Variants in ADNP2 observed in about 807,000 individuals in gnomAD.
ADNP2 encodes activity-dependent neuroprotector homeobox protein 2.
A neutral mutation model predicts 16.4 loss-of-function variants in ADNP2; 8 were observed. The ratio of observed to expected loss-of-function variants is 0.49; its 90% confidence interval spans 0.29 to 0.88. The LOEUF is 0.88. Ranked by LOEUF, ADNP2 falls within the 40% of genes least tolerant of loss-of-function variation. The pLI is 0.09. For synonymous variants in ADNP2, 637 were observed against 545.8 expected (o/e 1.17, Z -2.33); for missense variants, 1,397 against 1,395.1 (o/e 1.00, Z -0.02).
At position 80,137,656 on chromosome 18, in the gene ADNP2, G is replaced by A. The variant is rs377757808; in HGVS notation, c.2243G>A (p.Arg748Gln). The stretch of plus-strand genomic sequence containing the variant: ...AAGTGGATGAGAGAGAAAACGGTGC[G>A]ATGTCTGTCTTGTAAGTGCTTGGTC... The part of the protein sequence containing the change: ...FLKWMREKTV[R>Q]CLSCKCLVSE... The change falls in exon 4 of 4, where the codon CGA becomes CAA. Residue 748 changes from arginine to glutamine, a missense_variant. Arg to Gln is a conservative substitution (Grantham distance 43, BLOSUM62 1). Transcript: ENST00000262198. This position sits in a 1 kb window ranked among gnomAD's most constrained non-coding sequence, Gnocchi z 4.2. The A allele has an allele frequency of 8.7e-5, 141 of 1,614,092 alleles. No homozygotes were observed. The highest frequency in any genetic ancestry group is 1.1e-4 in the Non-Finnish European group (131 of 1,180,040).
At position 80,137,296 on chromosome 18, in the gene ADNP2, C is replaced by T. The variant is rs1210869929; in HGVS notation, c.1883C>T (p.Pro628Leu). Residue 628 changes from proline to leucine, a missense_variant, in exon 4 of 4, where the codon CCT becomes CTT. Physicochemically the swap from Pro to Leu is moderately conservative, Grantham distance 98. Transcript: ENST00000262198. This position sits in a 1 kb window ranked among gnomAD's most constrained non-coding sequence, Gnocchi z 4.2. ...GTGTCTGTCACTCTGCCGGTTCCCC[C>T]TGGAGGCCTTGCGACTGTCGCTCCG... ...APVSVTLPVP[P>L]GGLATVAPPQ... 6.2e-7 allele frequency: 1 copy of T among 1,613,892 alleles called. No individual in the cohort carries two copies. Among genetic ancestry groups the T allele is most frequent in the African/African-American group, 1.3e-5 (1 of 74,938 alleles).
intron 2 of ADNP2, among the ~76,000 whole-genome samples, chr18:80,122,545 T>A (rs933145949): frequency 9.9e-5 from 15 of 152,244 alleles, no homozygotes; most frequent in African/African-American, 2.9e-4. Flanking sequence ...GGCTTTCACT[T>A]CTTTGGTTAA....
Position 80,135,956 on chromosome 18 carries a change from CTTAA to C in ADNP2, c.548_551del (p.Ile183ThrfsTer6). On this transcript the variant is annotated frameshift_variant, in exon 4 of 4. Transcript: ENST00000262198. LOFTEE classifies it low-confidence loss of function (END_TRUNC). The stretch of plus-strand genomic sequence containing the variant: ...ATGTGCTGGTAGCCCATTTTCACTA[CTTAA>C]TTAACTCCTACTTTGGCCTAAGAAC... The C allele has an allele frequency of 6.2e-7, 1 of 1,614,214 alleles. No homozygotes were observed. The highest frequency in any genetic ancestry group is 8.5e-7 in the Non-Finnish European group (1 of 1,180,038).
chr18:80,124,804 A>T (rs1023429900), intron 2 of ADNP2, among the ~76,000 whole-genome samples: 2 of 152,140 alleles, frequency 1.3e-5, no homozygotes, highest in Non-Finnish European at 2.9e-5. Flanking sequence ...AAAAATTAAC[A>T]TAACTCTTAA....
At chr18:80,117,941 A>G (rs2052399741) in intron 2 of ADNP2, among the ~76,000 whole-genome samples, 1 of 152,218 alleles carries the variant, frequency 6.6e-6, no homozygotes, top group Admixed American at 6.5e-5. Context: ...AAACTAACTT[A>G]ATTTCCCAGT....
At chr18:80,134,386 A>T (rs967487857) in intron 3 of ADNP2, among the ~76,000 whole-genome samples, 11 of 146,322 alleles carry the variant, frequency 7.5e-5, no homozygotes, top group South Asian at 4.5e-4. Flanking sequence ...AGAATGGAAG[A>T]GTGTGTGTGT....
chr18:80,138,811 A>G lies in ADNP2; in HGVS notation c.*2A>G. 7.2e-7 allele frequency: 1 copy of G among 1,391,526 alleles called. No individual in the cohort carries two copies. Among genetic ancestry groups the G allele is most frequent in the Non-Finnish European group, 9.3e-7 (1 of 1,078,514 alleles). The allele number at this position is 1,391,526 out of a possible 1,614,324, so 86.2% of individuals were successfully genotyped here. On this transcript the variant is annotated 3_prime_UTR_variant, in exon 4 of 4. Coordinates refer to ENST00000262198, the MANE Select transcript of ADNP2 (RefSeq NM_014913.4). ...TTGAACTTTGAATATGAACCATAAA[A>G]CTTGCAAAAAAAAAAAAAAGTAACT...
chr18:80,131,925 A>G (rs1204879069), intron 2 of ADNP2, among the ~76,000 whole-genome samples: 1 of 152,212 alleles, frequency 6.6e-6, no homozygotes, highest in Non-Finnish European at 1.5e-5. Context: ...TCATGCTACT[A>G]TGAAGATACA....
Position 80,139,162 on chromosome 18 carries a change from C to T in ADNP2, c.*353C>T, listed in dbSNP as rs1236194341. On this transcript the variant is annotated 3_prime_UTR_variant, in exon 4 of 4. Coordinates refer to ENST00000262198, the MANE Select transcript of ADNP2 (RefSeq NM_014913.4). Reference sequence around the variant, plus strand: ...AAATAATTTGCTTTTTCATTAAGGACATTTCAGCCTTTTTCAGAATACTTG... The same window carrying T: ...AAATAATTTGCTTTTTCATTAAGGATATTTCAGCCTTTTTCAGAATACTTG... 1.1e-5 allele frequency: 2 copies of T among 176,266 alleles called. No homozygotes were observed. The highest frequency in any genetic ancestry group is 3.0e-4 in the East Asian group (2 of 6,564). 10.9% of individuals were successfully genotyped at this position (176,266 alleles called of 1,614,324 possible).
At chr18:80,114,662 C>T (rs1021233638) in intron 1 of ADNP2, among the ~76,000 whole-genome samples, 2 of 152,090 alleles carry the variant, frequency 1.3e-5, no homozygotes, top group Non-Finnish European at 2.9e-5. Context: ...CACTGTATAC[C>T]AAACCACCCC....
chr18:80,113,408 G>A (rs1238626575), intron 1 of ADNP2, among the ~76,000 whole-genome samples: 1 of 152,050 alleles, frequency 6.6e-6, no homozygotes, highest in Admixed American at 6.5e-5. Flanking sequence ...AACCCTTTCT[G>A]CCTCCCACTC....
In ADNP2 at chr18:80,138,151, T is replaced by TC; in HGVS notation, c.2739dup (p.Lys914GlnfsTer47). The stretch of plus-strand genomic sequence containing the variant: ...CACACGGTCCTGAAGTCTCCCGCCT[T>TC]CAAGTGCATCCACTGCTGTGGGGTC... On this transcript the variant is annotated frameshift_variant, in exon 4 of 4. Transcript: ENST00000262198. LOFTEE classifies it low-confidence loss of function (END_TRUNC). 6.2e-7 allele frequency: 1 copy of TC among 1,614,158 alleles called. No homozygotes were observed.
intron 2 of ADNP2, among the ~76,000 whole-genome samples, chr18:80,121,164 C>G (rs2052422441): frequency 6.6e-6 from 1 of 152,056 alleles, no homozygotes; most frequent in Non-Finnish European, 1.5e-5. Context: ...TCCTCCCTTC[C>G]CTTCCTTTCT....
intron 1 of ADNP2, among the ~76,000 whole-genome samples, chr18:80,114,840 A>G (rs2052379227): frequency 6.6e-6 from 1 of 151,996 alleles, no homozygotes; most frequent in Non-Finnish European, 1.5e-5. Context: ...GGAATCCTCA[A>G]GAGGCATCTT....
At chr18:80,122,405 G>A (rs949509213) in intron 2 of ADNP2, among the ~76,000 whole-genome samples, 3 of 152,192 alleles carry the variant, frequency 2.0e-5, no homozygotes, top group Non-Finnish European at 4.4e-5. Flanking sequence ...GAACTTTGAT[G>A]AGGATTGTGT....
At chr18:80,115,401 G>A (rs1674020854) in intron 1 of ADNP2, among the ~76,000 whole-genome samples, 1 of 152,076 alleles carries the variant, frequency 6.6e-6, no homozygotes, top group African/African-American at 2.4e-5. Context: ...CCCTAGTTGT[G>A]CCCACTGCTA....
Position 80,137,238 on chromosome 18 carries a change from G to A in ADNP2, c.1825G>A (p.Val609Met). ...ACAGCTCATCCCTACAGGGAAACAAGTGAATGGGATTCCAACCTACACGCT... is the reference window on the plus strand; with the variant it reads ...ACAGCTCATCCCTACAGGGAAACAAATGAATGGGATTCCAACCTACACGCT... ...LRQLIPTGKQ[V>M]NGIPTYTLAP... The change falls in exon 4 of 4, where the codon GTG (valine) becomes ATG (methionine). Residue 609 changes from valine (V) to methionine (M), a missense_variant. By Grantham distance (21) the Val-to-Met change is conservative. Around this residue, in one of 3 missense-constraint regions of ADNP2, gnomAD observed 9 missense variants for 27.0 expected, o/e 0.33. Transcript: ENST00000262198. The surrounding 1 kb of genome is among the most constrained non-coding windows in gnomAD (Gnocchi z 4.2). 6.2e-7 allele frequency: 1 copy of A among 1,614,216 alleles called. No individual in the cohort carries two copies. Among genetic ancestry groups the A allele is most frequent in the Non-Finnish European group, 8.5e-7 (1 of 1,180,028 alleles).
chr18:80,123,874 C>T (rs1042329366), intron 2 of ADNP2, among the ~76,000 whole-genome samples: 2 of 152,034 alleles, frequency 1.3e-5, no homozygotes, highest in Non-Finnish European at 1.5e-5. Context: ...GGATTACAGG[C>T]GTGCATCACC....
chr18:80,137,267 C>T lies in ADNP2; in HGVS notation c.1854C>T (p.Ala618=). Reference sequence around the variant, plus strand: ...ATGGGATTCCAACCTACACGCTGGCCCCCGTGTCTGTCACTCTGCCGGTTC... The same window carrying T: ...ATGGGATTCCAACCTACACGCTGGCTCCCGTGTCTGTCACTCTGCCGGTTC... ...QVNGIPTYTL[A]PVSVTLPVPP... The change falls in exon 4 of 4, where the codon GCC becomes GCT. Residue 618 remains alanine (A), a synonymous_variant. Coordinates refer to ENST00000262198, the MANE Select transcript of ADNP2 (RefSeq NM_014913.4). This position sits in a 1 kb window ranked among gnomAD's most constrained non-coding sequence, Gnocchi z 4.2. 6.2e-7 allele frequency: 1 copy of T among 1,614,192 alleles called. No homozygotes were observed. The highest frequency in any genetic ancestry group is 8.5e-7 in the Non-Finnish European group (1 of 1,180,034).
Sources: gnomAD v4.1 joint callset for allele counts (sites outside exome capture counted in the v4.1 genomes callset) on GRCh38, gnomAD v4.1.1 for gene constraint, gnomAD v4.1.1 regional missense constraint, Gnocchi (gnomAD v3.1) non-coding constraint, MANE v1.5 for transcripts, NCBI Gene and HGNC (gene_info 2026-07-23, HGNC 2026-07-21) for gene names.